ATP13A4: variants seen among roughly 807,000 people sequenced by gnomAD.
ATP13A4 encodes probable cation-transporting ATPase 13A4.
ATP13A4 carries 114 observed loss-of-function variants against 142.5 expected under a neutral mutation model. That is an observed-to-expected ratio of 0.80 (90% CI 0.69 to 0.93). The LOEUF is 0.93. ATP13A4 is among the 40% of genes least tolerant of loss of function. The pLI is 0.00. For synonymous variants in ATP13A4, 488 were observed against 514.8 expected (o/e 0.95, Z 0.70); for missense variants, 1,392 against 1,454.0 (o/e 0.96, Z 0.69).
intron 1 of ATP13A4, among the ~76,000 whole-genome samples, chr3:193,535,523 G>C (rs1340523569): frequency 6.6e-6 from 1 of 151,982 alleles, no homozygotes; most frequent in Non-Finnish European, 1.5e-5. Flanking sequence ...AAAATTTGTG[G>C]AACACACTCA....
intron 2 of ATP13A4, among the ~76,000 whole-genome samples, chr3:193,504,528 T>G (rs973040656): frequency 6.6e-6 from 1 of 152,184 alleles, no homozygotes; most frequent in Non-Finnish European, 1.5e-5. Context: ...TCCCATTTAG[T>G]TGGCAAGGAA....
chr3:193,403,968 A>G (rs1040016687), intron 29 of ATP13A4: 1 of 985,446 alleles, frequency 1.0e-6, no homozygotes, highest in Non-Finnish European at 1.2e-6. Flanking sequence ...TTTAGGTTCC[A>G]CTGCCCATGA....
chr3:193,404,774 C>T (rs554935005), intron 29 of ATP13A4, among the ~76,000 whole-genome samples: 284 of 152,212 alleles, frequency 1.9e-3, no homozygotes, highest in Non-Finnish European at 3.3e-3. Context: ...TAAATTACCC[C>T]GTTTCAGGTA....
In ATP13A4 at chr3:193,416,365, T is replaced by C. The variant is rs555120374; in HGVS notation, c.2843-1615A>G. ...TGAGGAAGCACAGATATTAGACTTA[T>C]TAGGTAAAGACTTTAAAACAACTAT... On this transcript the variant is annotated intron_variant, in intron 25 of 29. Transcript: ENST00000342695. Among the ~76,000 whole-genome samples the C allele has an allele frequency of 2.0e-5, 3 of 152,250 alleles. No individual in the cohort carries two copies. In the East Asian group the frequency reaches 5.8e-4, roughly 29 times the overall value.
At chr3:193,414,845 G>T in intron 25 of ATP13A4, 95 bp from the exon 26 acceptor site, 1 of 1,225,784 alleles carries the variant, frequency 8.2e-7, no homozygotes, top group Non-Finnish European at 1.2e-6. Context: ...TACATTTGAG[G>T]AAATGGACAA....
intron 1 of ATP13A4, among the ~76,000 whole-genome samples, chr3:193,517,026 T>G (rs1234762539): frequency 2.0e-5 from 3 of 152,178 alleles, no homozygotes; most frequent in African/African-American, 4.8e-5. Context: ...TGATACATAT[T>G]CTCCCATTTA....
chr3:193,450,913 A>C (rs940195115), intron 17 of ATP13A4, among the ~76,000 whole-genome samples: 1 of 152,046 alleles, frequency 6.6e-6, no homozygotes. Context: ...CACTATACAA[A>C]CTGCATGATG....
At chr3:193,503,994 C>CGTGTGTGTGTGTGTGTGT (rs1491532980) in intron 2 of ATP13A4, among the ~76,000 whole-genome samples, 5 of 108,206 alleles carry the variant, frequency 4.6e-5, no homozygotes, top group African/African-American at 1.5e-4. Flanking sequence ...GTTCTGTGTG[C>CGTGTGTGTGTGTGTGTGT]ATGTGTGTGT....
chr3:193,573,226 A>G (rs1286872496), intron 2 of ATP13A4, among the ~76,000 whole-genome samples: 1 of 139,320 alleles, frequency 7.2e-6, no homozygotes, highest in Non-Finnish European at 1.5e-5. Context: ...AACTTTAAGG[A>G]ATACCACAGA....
chr3:193,576,248 T>TA (rs1292874364), intron 2 of ATP13A4, among the ~76,000 whole-genome samples: 2 of 121,086 alleles, frequency 1.7e-5, no homozygotes, highest in Admixed American at 9.2e-5. Flanking sequence ...CTTGAATCAA[T>TA]CTTTTTTTTT....
At chr3:193,490,773 C>A (rs1197469020) in intron 6 of ATP13A4, among the ~76,000 whole-genome samples, 1 of 151,920 alleles carries the variant, frequency 6.6e-6, no homozygotes, top group African/African-American at 2.4e-5. Flanking sequence ...TGTTTTAAGG[C>A]AAGGAGGAGT....
intron 3 of ATP13A4, 65 bp from the exon 4 acceptor site, chr3:193,493,225 G>T: frequency 7.6e-7 from 1 of 1,308,490 alleles, no homozygotes; most frequent in Non-Finnish European, 1.1e-6. Context: ...GCAACCCAGT[G>T]GCTAAAGAAG....
intron 3 of ATP13A4, among the ~76,000 whole-genome samples, chr3:193,496,368 A>G (rs1720224357): frequency 6.6e-6 from 1 of 152,250 alleles, no homozygotes; most frequent in Non-Finnish European, 1.5e-5. Flanking sequence ...TGGCAGAGAA[A>G]TAGACATATA....
At chr3:193,499,089 AACAC>A (rs935469214) in intron 3 of ATP13A4, among the ~76,000 whole-genome samples, 1 of 152,226 alleles carries the variant, frequency 6.6e-6, no homozygotes, top group African/African-American at 2.4e-5. Flanking sequence ...CACGTGTGCA[AACAC>A]ACACACAGAC....
At chr3:193,523,310 A>C (rs1721824966) in intron 1 of ATP13A4, among the ~76,000 whole-genome samples, 1 of 152,028 alleles carries the variant, frequency 6.6e-6, no homozygotes, top group Admixed American at 6.5e-5. Context: ...GTCTCAAAAA[A>C]AAAAAAATCA....
At chr3:193,429,862 T>C (rs1010074082) in intron 25 of ATP13A4, among the ~76,000 whole-genome samples, 33 of 152,162 alleles carry the variant, frequency 2.2e-4, no homozygotes, top group African/African-American at 7.5e-4. Flanking sequence ...TTAATTTATA[T>C]AGAAAAAAGA....
At chr3:193,514,975 T>C in intron 1 of ATP13A4, 104 bp from the exon 2 acceptor site, 1 of 1,226,246 alleles carries the variant, frequency 8.2e-7, no homozygotes, top group Middle Eastern at 1.9e-4. Context: ...GTGAAGGAGT[T>C]GAGGAGGGTG....
intron 1 of ATP13A4, among the ~76,000 whole-genome samples, chr3:193,538,339 G>T (rs1028788612): frequency 2.0e-5 from 3 of 152,022 alleles, no homozygotes; most frequent in Admixed American, 6.6e-5. Flanking sequence ...GTTTGTGCTG[G>T]TTGTGTAAAG....
In ATP13A4 at chr3:193,474,744, G is replaced by T. The variant is rs550126760; in HGVS notation, c.809-3751C>A. On this transcript the variant is annotated intron_variant, in intron 8 of 29. Transcript: ENST00000342695. ...AGAGAAAGAAAGAGAAAGAAAGAAA[G>T]AAAGGAAAAAGAAAGAAAGAGAAAG... 4.0e-5 allele frequency among the ~76,000 whole-genome samples: 6 copies of T among 149,684 alleles called. No individual in the cohort carries two copies. The South Asian group carries it at 1.3e-3, about 32-fold the overall frequency.
Sources: allele counts gnomAD v4.1 joint callset (sites outside exome capture counted in the v4.1 genomes callset), GRCh38; gene constraint gnomAD v4.1.1; transcripts MANE v1.5; gene names NCBI Gene and HGNC (gene_info 2026-07-23, HGNC 2026-07-21).